Variants in KCTD16 observed in about 807,000 individuals in gnomAD.
KCTD16 encodes the protein BTB/POZ domain-containing protein KCTD16.
KCTD16 carries 13 observed loss-of-function variants against 33.2 expected under a neutral mutation model. The ratio of observed to expected loss-of-function variants is 0.39; its 90% CI spans 0.25 to 0.62. KCTD16 has a LOEUF of 0.62. KCTD16 is among the 20% of genes least tolerant of loss of function. The pLI, the probability that KCTD16 is intolerant of heterozygous loss-of-function variation, is 0.50. For synonymous variants in KCTD16, 197 were observed against 195.3 expected (o/e 1.01, Z -0.07); for missense variants, 441 against 525.1 (o/e 0.84, Z 1.57).
chr5:144,230,096 C>G (rs1161254090), intron 3 of KCTD16, among the ~76,000 whole-genome samples: 1 of 152,134 alleles, frequency 6.6e-6, no homozygotes, highest in African/African-American at 2.4e-5. Flanking sequence ...GAGCCAAGAT[C>G]ACGCCACTGT....
Position 144,405,893 on chromosome 5 carries a change from T to C in KCTD16, c.833-67767T>C, listed in dbSNP as rs577440288. On this transcript the variant is annotated intron_variant, in intron 3 of 3. Coordinates refer to ENST00000512467, the MANE Select transcript of KCTD16 (RefSeq NM_020768.4). ...TTCCCAAGTAGCTATTTTAAAACCA[T>C]TGGTGATACTAAGCCCCATTGGAAA... Among the ~76,000 whole-genome samples the C allele has an allele frequency of 2.9e-4, 44 of 152,270 alleles. 1 individual carries two copies. Among genetic ancestry groups the C allele is most frequent in the Middle Eastern group, 6.8e-3 (2 of 294 alleles).
chr5:144,422,934 C>T (rs775891407), intron 3 of KCTD16, among the ~76,000 whole-genome samples: 9 of 152,080 alleles, frequency 5.9e-5, no homozygotes, highest in South Asian at 2.1e-4. Context: ...GGAGGACCAA[C>T]AAGGACCTTT....
At chr5:144,193,818 A>T (rs1369435381) in intron 2 of KCTD16, among the ~76,000 whole-genome samples, 2 of 152,220 alleles carry the variant, frequency 1.3e-5, no homozygotes, top group Non-Finnish European at 2.9e-5. Context: ...ATCTGAAAGA[A>T]GTATAGTAGA....
At chr5:144,311,751 A>G (rs1751771994) in intron 3 of KCTD16, among the ~76,000 whole-genome samples, 1 of 152,180 alleles carries the variant, frequency 6.6e-6, no homozygotes. Context: ...CAGGCAAAAT[A>G]CCTACCAAAA....
chr5:144,433,386 T>A (rs1044904578), intron 3 of KCTD16, among the ~76,000 whole-genome samples: 1 of 152,102 alleles, frequency 6.6e-6, no homozygotes, highest in African/African-American at 2.4e-5. Context: ...CAGCCGTTAC[T>A]CCCCTTAAGA....
intron 2 of KCTD16, chr5:144,205,623 C>A (rs1217877287): frequency 1.0e-5 from 4 of 398,574 alleles, no homozygotes; most frequent in African/African-American, 8.2e-5. Flanking sequence ...TGAAAAGCTT[C>A]TAAGTCCTGG....
Position 144,473,765 on chromosome 5 carries a change from C to G in KCTD16, c.938C>G (p.Ser313Cys), listed in dbSNP as rs1446429423. Residue 313 changes from serine (S) to cysteine (C), a missense_variant, in exon 4 of 4, where the codon TCT becomes TGT. This residue lies in a region of KCTD16 where 355 missense variants were observed against 413.0 expected (regional missense o/e 0.86). Coordinates refer to ENST00000512467, the MANE Select transcript of KCTD16 (RefSeq NM_020768.4). Reference sequence around the variant, plus strand: ...ACGTCTTGCAATGACCTCTCCACATCTAGCTGCGACAGCCAGTCTGAGGCC... The same window carrying G: ...ACGTCTTGCAATGACCTCTCCACATGTAGCTGCGACAGCCAGTCTGAGGCC... ...SGTSCNDLST[S>C]SCDSQSEASS... The G allele has an allele frequency of 3.7e-6, 6 of 1,614,006 alleles. No individual in the cohort carries two copies. Among genetic ancestry groups the G allele is most frequent in the Non-Finnish European group, 5.1e-6 (6 of 1,180,012 alleles).
At chr5:144,178,422 G>T (rs1752549031) in intron 2 of KCTD16, among the ~76,000 whole-genome samples, 1 of 152,052 alleles carries the variant, frequency 6.6e-6, no homozygotes, top group South Asian at 2.1e-4. Context: ...TTCTTTAAAT[G>T]AGGTTTATTT....
intron 2 of KCTD16, among the ~76,000 whole-genome samples, chr5:144,181,333 A>G (rs573707451): frequency 2.0e-5 from 3 of 152,372 alleles, no homozygotes; most frequent in Non-Finnish European, 2.9e-5. Flanking sequence ...AAAACAAAAC[A>G]AAACAAAGAA....
chr5:144,362,551 G>A (rs1751737588), intron 3 of KCTD16, among the ~76,000 whole-genome samples: 2 of 152,122 alleles, frequency 1.3e-5, no homozygotes, highest in African/African-American at 2.4e-5. Flanking sequence ...AGGTAAGAAC[G>A]ATCACTACCT....
intron 3 of KCTD16, among the ~76,000 whole-genome samples, chr5:144,264,859 C>G (rs1341536318): frequency 6.6e-6 from 1 of 152,164 alleles, no homozygotes; most frequent in Admixed American, 6.5e-5. Context: ...TTAGTCAAAA[C>G]TCATATACAT....
intron 3 of KCTD16, among the ~76,000 whole-genome samples, chr5:144,432,330 G>A (rs76892323): frequency 1.7e-3 from 259 of 152,190 alleles, no homozygotes; most frequent in African/African-American, 6.1e-3. Context: ...TGCCAAGTAA[G>A]CCTCACTACA....
rs78727455 is a variant in KCTD16 at position 144,264,993 on chromosome 5, G to A, written c.832+57447G>A. ...GAGTAAATCTTCCTTGGGAAATTTG[G>A]CATTTAAACTCTTGCCAGAGACATA... On this transcript the variant is annotated intron_variant, in intron 3 of 3. Coordinates refer to ENST00000512467, the MANE Select transcript of KCTD16 (RefSeq NM_020768.4). Among the ~76,000 whole-genome samples, 49 of 152,248 alleles carry A rather than the reference G, an allele frequency of 3.2e-4. 1 individual carries two copies. The East Asian group carries it at 9.4e-3, about 29-fold the overall frequency.
At chr5:144,381,979 T>C (rs935130877) in intron 3 of KCTD16, among the ~76,000 whole-genome samples, 12 of 151,652 alleles carry the variant, frequency 7.9e-5, no homozygotes, top group African/African-American at 2.9e-4. Context: ...TCAACCTAGG[T>C]TCCCATCAAC....
chr5:144,352,371 G>A (rs955947219), intron 3 of KCTD16, among the ~76,000 whole-genome samples: 1 of 152,112 alleles, frequency 6.6e-6, no homozygotes, highest in Admixed American at 6.5e-5. Context: ...TACGAAGTGG[G>A]GATGTACTGG....
rs150524433 is a variant in KCTD16 at position 144,204,302 on chromosome 5, A to G, written c.-326-2087A>G. On this transcript the variant is annotated intron_variant, in intron 2 of 3. Transcript: ENST00000512467. Reference sequence around the variant, plus strand: ...GGCGTGTGCCTCACATATATTATTCATTGACCAAGCACTATATTCTTATCA... The same window carrying G: ...GGCGTGTGCCTCACATATATTATTCGTTGACCAAGCACTATATTCTTATCA... 4.2e-3 allele frequency among the ~76,000 whole-genome samples: 640 copies of G among 152,296 alleles called. 3 individuals carry two copies. The highest frequency in any genetic ancestry group is 0.015 in the African/African-American group (619 of 41,538).
At chr5:144,397,908 T>TAA (rs1239675052) in intron 3 of KCTD16, among the ~76,000 whole-genome samples, 5 of 152,190 alleles carry the variant, frequency 3.3e-5, no homozygotes, top group Non-Finnish European at 1.5e-5. Context: ...GAAGAACATG[T>TAA]CTCAGATTCC....
At chr5:144,372,090 T>A (rs1751980265) in intron 3 of KCTD16, among the ~76,000 whole-genome samples, 1 of 152,176 alleles carries the variant, frequency 6.6e-6, no homozygotes, top group South Asian at 2.1e-4. Flanking sequence ...GGGAGGTTGC[T>A]CATTCATTCA....
At chr5:144,367,958 C>A (rs1042302940) in intron 3 of KCTD16, among the ~76,000 whole-genome samples, 1 of 151,552 alleles carries the variant, frequency 6.6e-6, no homozygotes, top group African/African-American at 2.4e-5. Context: ...TCTTCTGATA[C>A]GTTCTAACAT....
Sources: allele counts gnomAD v4.1 joint callset (sites outside exome capture counted in the v4.1 genomes callset), GRCh38; gene constraint gnomAD v4.1.1; regional missense constraint gnomAD v4.1.1; transcripts MANE v1.5; gene names NCBI Gene and HGNC (gene_info 2026-07-23, HGNC 2026-07-21).